The following CDH4 variants were observed in gnomAD, a reference collection of about 807,000 sequenced individuals.
The protein encoded by CDH4 is cadherin-4.
In CDH4, 33 loss-of-function variants were observed where a neutral mutation model predicts 86.0. That is an observed-to-expected ratio of 0.38 (90% CI 0.29 to 0.51). CDH4 has a LOEUF of 0.51. Ranked by LOEUF, CDH4 falls within the 20% of genes least tolerant of loss-of-function variation. The pLI, the probability that CDH4 is intolerant of heterozygous loss-of-function variation, is 0.86. For missense variants in CDH4, 1,114 were observed against 1,307.4 expected (o/e 0.85, Z 2.28); for synonymous variants, 555 against 549.4 (o/e 1.01, Z -0.14).
intron 2 of CDH4, among the ~76,000 whole-genome samples, chr20:61,378,348 A>G (rs533270380): frequency 1.8e-4 from 27 of 152,352 alleles, no homozygotes; most frequent in African/African-American, 5.3e-4. Context: ...GTGGTCACCA[A>G]TTAGCACAAG....
intron 2 of CDH4, among the ~76,000 whole-genome samples, chr20:61,538,904 G>T (rs1465246364): frequency 6.6e-6 from 1 of 152,244 alleles, no homozygotes; most frequent in Non-Finnish European, 1.5e-5. Context: ...TGCAGGGGGT[G>T]GGGAGGTTGC....
chr20:61,322,169 G>A (rs956529487), intron 2 of CDH4, among the ~76,000 whole-genome samples: 24 of 152,160 alleles, frequency 1.6e-4, no homozygotes, highest in African/African-American at 5.3e-4. Context: ...AATGGGGTTG[G>A]TGCCGTCTGT....
intron 4 of CDH4, among the ~76,000 whole-genome samples, chr20:61,831,257 A>T (rs11697078): frequency 6.6e-6 from 1 of 152,088 alleles, no homozygotes; most frequent in Non-Finnish European, 1.5e-5. Flanking sequence ...TGAAATTTCA[A>T]TTAAAAGGAT....
chr20:61,444,793 A>G (rs1200073820), intron 2 of CDH4, among the ~76,000 whole-genome samples: 3 of 126,796 alleles, frequency 2.4e-5, no homozygotes, highest in Non-Finnish European at 3.4e-5. Flanking sequence ...GTTTTTGTGT[A>G]TCCGTATGTA....
intron 2 of CDH4, among the ~76,000 whole-genome samples, chr20:61,376,659 A>G (rs2084874284): frequency 6.6e-6 from 1 of 152,120 alleles, no homozygotes; most frequent in Non-Finnish European, 1.5e-5. Context: ...CCCATGGCAT[A>G]TGGTTGGAGT....
chr20:61,519,130 T>G (rs899128362), intron 2 of CDH4, among the ~76,000 whole-genome samples: 4 of 152,210 alleles, frequency 2.6e-5, no homozygotes, highest in African/African-American at 4.8e-5. Flanking sequence ...AATGGAAGTT[T>G]CCACCACAAA....
chr20:61,595,389 G>T (rs749892692), intron 2 of CDH4, among the ~76,000 whole-genome samples: 13 of 152,248 alleles, frequency 8.5e-5, no homozygotes, highest in Non-Finnish European at 1.8e-4. Flanking sequence ...GCCCGTCAGG[G>T]CTGCCTTCCT....
intron 9 of CDH4, among the ~76,000 whole-genome samples, chr20:61,913,461 C>T (rs1002777926): frequency 2.0e-5 from 3 of 152,246 alleles, no homozygotes; most frequent in African/African-American, 7.2e-5. Flanking sequence ...ACTGCATGGG[C>T]CTCGTGGCAC....
At chr20:61,916,602 C>A (rs1410101634) in intron 9 of CDH4, among the ~76,000 whole-genome samples, 1 of 152,192 alleles carries the variant, frequency 6.6e-6, no homozygotes, top group African/African-American at 2.4e-5. Context: ...TGATCATTCT[C>A]CCTGCTTAGT....
chr20:61,387,559 C>G (rs919054591), intron 2 of CDH4, among the ~76,000 whole-genome samples: 1 of 152,176 alleles, frequency 6.6e-6, no homozygotes. Context: ...AACATACACA[C>G]AGACACATAC....
rs142847417 is a variant in CDH4 at position 61,747,186 on chromosome 20, A to C, written c.396+3397A>C. Among the ~76,000 whole-genome samples, 181 of 152,324 alleles carry C rather than the reference A, an allele frequency of 1.2e-3. 1 individual carries two copies. Among genetic ancestry groups the C allele is most frequent in the African/African-American group, 4.2e-3 (176 of 41,572 alleles). ...ACCGGGCGCGGTGGCTCACGCCTGT[A>C]ATCTGAGCATTTTGGGAGGCCGAGG... On this transcript the variant is annotated intron_variant, in intron 3 of 15. Coordinates refer to ENST00000614565, the MANE Select transcript of CDH4 (RefSeq NM_001794.5).
Position 61,681,966 on chromosome 20 carries a change from G to A in CDH4, c.170-61597G>A, listed in dbSNP as rs146929934. On this transcript the variant is annotated intron_variant, in intron 2 of 15. Transcript: ENST00000614565. The surrounding 1 kb of genome is among the most constrained non-coding windows in gnomAD (Gnocchi z 4.5). ...CAGGGCAATCTGGGTTGTCATTGCA[G>A]AAGGAAGCCCAGTGGGTTTCAGCTG... Among the ~76,000 whole-genome samples the A allele has an allele frequency of 5.4e-3, 825 of 152,372 alleles. 4 individuals carry two copies. The highest frequency in any genetic ancestry group is 7.9e-3 in the Non-Finnish European group (537 of 68,038).
At position 61,928,341 on chromosome 20, in the gene CDH4, C is replaced by T. The variant is rs758029962; in HGVS notation, c.1923C>T (p.Asp641=). The T allele has an allele frequency of 4.3e-6, 7 of 1,611,272 alleles. No individual in the cohort carries two copies. Among genetic ancestry groups the T allele is most frequent in the African/African-American group, 1.3e-5 (1 of 74,944 alleles). ...INITAADADV[D]PNIGPYVFEL... ...TCACGGCGGCCGACGCTGACGTCGACCCCAACATCGGCCCCTACGTCTTCG... is the reference window on the plus strand; with the variant it reads ...TCACGGCGGCCGACGCTGACGTCGATCCCAACATCGGCCCCTACGTCTTCG... The change falls in exon 12 of 16, where the codon GAC becomes GAT. Residue 641 remains aspartate (D), a synonymous_variant. Transcript: ENST00000614565.
chr20:61,524,335 G>A (rs1344430), intron 2 of CDH4, among the ~76,000 whole-genome samples: 2 of 152,092 alleles, frequency 1.3e-5, no homozygotes, highest in African/African-American at 4.8e-5. Flanking sequence ...CCTGCAGAAA[G>A]CCTGGACACC....
At chr20:61,556,885 G>C (rs918898988) in intron 2 of CDH4, among the ~76,000 whole-genome samples, 2 of 152,134 alleles carry the variant, frequency 1.3e-5, no homozygotes, top group East Asian at 3.9e-4. Flanking sequence ...CCGAGAACAC[G>C]TGAGGCGCCG....
At chr20:61,844,928 C>A in intron 5 of CDH4, 105 bp downstream of exon 5, 1 of 1,169,784 alleles carries the variant, frequency 8.5e-7, no homozygotes, top group Non-Finnish European at 1.2e-6. Context: ...CCTAACTCTA[C>A]AGGCAGCACT....
intron 2 of CDH4, chr20:61,436,891 G>A (rs2085286065): frequency 1.3e-5 from 2 of 152,352 alleles, no homozygotes; most frequent in Admixed American, 1.3e-4. Flanking sequence ...AAATTCCAAG[G>A]GTTTTTAGAT....
intron 2 of CDH4, among the ~76,000 whole-genome samples, chr20:61,656,962 A>G (rs1404572270): frequency 6.6e-6 from 1 of 152,184 alleles, no homozygotes; most frequent in Non-Finnish European, 1.5e-5. Flanking sequence ...CCTGGGATGC[A>G]CTGGACACAC....
chr20:61,574,387 G>A (rs371639172), intron 2 of CDH4, among the ~76,000 whole-genome samples: 126 of 152,350 alleles, frequency 8.3e-4, no homozygotes, highest in Non-Finnish European at 1.0e-3. Flanking sequence ...TCTCACTGCA[G>A]TGGGAGTCAT....
Sources: allele counts gnomAD v4.1 joint callset (sites outside exome capture counted in the v4.1 genomes callset), GRCh38; gene constraint gnomAD v4.1.1; non-coding constraint Gnocchi (gnomAD v3.1); transcripts MANE v1.5; gene names NCBI Gene and HGNC (gene_info 2026-07-23, HGNC 2026-07-21).